The following CFAP96 variants were observed in gnomAD, a reference collection of about 807,000 sequenced individuals.
The protein encoded by CFAP96 is cilia-and flagella-associated protein 96.
the CFAP96 span, among the ~76,000 whole-genome samples, chr4:185,433,623 C>T: frequency 1.3e-5 from 2 of 151,866 alleles, no homozygotes; most frequent in Non-Finnish European, 2.9e-5. Context: ...GATTTTTGGC[C>T]GGGCACGGTG....
chr4:185,433,538 C>G, the CFAP96 span, among the ~76,000 whole-genome samples: 34,669 of 151,870 alleles, frequency 0.23, 4,754 homozygotes, highest in African/African-American at 0.38. Context: ...AGTAAAACTA[C>G]TTTGTATAAC....
chr4:185,413,789 G>T, the CFAP96 span: 1 of 1,613,454 alleles, frequency 6.2e-7, no homozygotes, highest in South Asian at 1.1e-5. Context: ...AACCATCTTT[G>T]TATGGCTCAT....
chr4:185,428,496 T>C, the CFAP96 span, among the ~76,000 whole-genome samples: 1 of 149,358 alleles, frequency 6.7e-6, no homozygotes, highest in African/African-American at 2.5e-5. Flanking sequence ...CGCTTGAACC[T>C]GGGAGGCGGA....
the CFAP96 span, among the ~76,000 whole-genome samples, chr4:185,430,839 A>C: frequency 2.6e-5 from 4 of 151,430 alleles, no homozygotes; most frequent in African/African-American, 7.3e-5. Context: ...TTGAGGCTGC[A>C]GTGAGCCATG....
the CFAP96 span, among the ~76,000 whole-genome samples, chr4:185,426,831 A>C: frequency 7.2e-6 from 1 of 139,404 alleles, no homozygotes. Flanking sequence ...CACGAGTTCG[A>C]GGCCAGCCTG....
At chr4:185,447,615 A>T in the CFAP96 span, among the ~76,000 whole-genome samples, 1 of 152,330 alleles carries the variant, frequency 6.6e-6, no homozygotes, top group East Asian at 1.9e-4. Context: ...TGTGTATTTC[A>T]GTGGCCTCCA....
chr4:185,422,859 G>T, the CFAP96 span, among the ~76,000 whole-genome samples: 1 of 149,946 alleles, frequency 6.7e-6, no homozygotes, highest in Admixed American at 6.7e-5. Flanking sequence ...TAGGCACAGG[G>T]ATTTTGGTTT....
chr4:185,443,344 T>A, the CFAP96 span, among the ~76,000 whole-genome samples: 570 of 16,982 alleles, frequency 0.034, 6 homozygotes, highest in African/African-American at 0.1. Flanking sequence ...ATATATATAT[T>A]TTTTTTTTTT....
At chr4:185,415,328 C>T in the CFAP96 span, 1 of 1,585,936 alleles carries the variant, frequency 6.3e-7, no homozygotes, top group South Asian at 1.2e-5. Flanking sequence ...TGAATTGCAT[C>T]AACCAGGAGT....
chr4:185,408,475 G>A, the CFAP96 span: 2 of 1,583,946 alleles, frequency 1.3e-6, no homozygotes, highest in Non-Finnish European at 1.7e-6. Context: ...ATTAACTTAG[G>A]ATAGAAGTAC....
chr4:185,440,003 A>C, the CFAP96 span, among the ~76,000 whole-genome samples: 1 of 31,288 alleles, frequency 3.2e-5, no homozygotes, highest in South Asian at 2.2e-3. Flanking sequence ...TACACATATG[A>C]GATATAGATA....
chr4:185,439,628 T>C, the CFAP96 span, among the ~76,000 whole-genome samples: 1 of 151,644 alleles, frequency 6.6e-6, no homozygotes, highest in Non-Finnish European at 1.5e-5. Flanking sequence ...TAGCCAGTGA[T>C]TTTTATACTT....
At chr4:185,422,767 C>T in the CFAP96 span, among the ~76,000 whole-genome samples, 1 of 152,194 alleles carries the variant, frequency 6.6e-6, no homozygotes, top group South Asian at 2.1e-4. Context: ...AACCTTTGTT[C>T]TATACTGAAA....
the CFAP96 span, among the ~76,000 whole-genome samples, chr4:185,422,989 G>GC: frequency 6.6e-6 from 1 of 152,208 alleles, no homozygotes; most frequent in African/African-American, 2.4e-5. Flanking sequence ...CTCCCATGTA[G>GC]CTGAGATTAC....
chr4:185,428,888 G>T, the CFAP96 span, among the ~76,000 whole-genome samples: 1 of 151,922 alleles, frequency 6.6e-6, no homozygotes, highest in African/African-American at 2.4e-5. Context: ...TGTACATCCT[G>T]AAAAGCTGTT....
At chr4:185,436,436 G>T in the CFAP96 span, 1 of 1,099,090 alleles carries the variant, frequency 9.1e-7, no homozygotes, top group East Asian at 2.7e-5. Flanking sequence ...TTGAGGCCGG[G>T]CACGGTGGCT....
the CFAP96 span, among the ~76,000 whole-genome samples, chr4:185,439,633 A>G: frequency 8.0e-4 from 121 of 151,744 alleles, 1 homozygote; most frequent in African/African-American, 2.8e-3. Context: ...AGTGATTTTT[A>G]TACTTAATAT....
At chr4:185,421,667 C>T in the CFAP96 span, among the ~76,000 whole-genome samples, 2 of 152,332 alleles carry the variant, frequency 1.3e-5, no homozygotes, top group East Asian at 1.9e-4. Flanking sequence ...GCCAAATCAA[C>T]CTCTTCTTTA....
the CFAP96 span, among the ~76,000 whole-genome samples, chr4:185,447,395 T>A: frequency 8.5e-5 from 13 of 152,100 alleles, no homozygotes; most frequent in African/African-American, 3.1e-4. Context: ...TTAGCCAGGA[T>A]GGACTTGATC....
Sources: gnomAD v4.1 joint callset for allele counts (sites outside exome capture counted in the v4.1 genomes callset) on GRCh38, gnomAD v4.1.1 for gene constraint, MANE v1.5 for transcripts, NCBI Gene and HGNC (gene_info 2026-07-23, HGNC 2026-07-21) for gene names.